SOX5: variants seen among roughly 807,000 people sequenced by gnomAD.
SOX5 encodes SRY-box transcription factor 5.
Under a neutral mutation model 92.0 loss-of-function variants are expected in SOX5, and 9 were observed. That is an observed-to-expected ratio of 0.10 (90% CI 0.06 to 0.17). The LOEUF is 0.17. Ranked by LOEUF, SOX5 falls within the 10% of genes least tolerant of loss-of-function variation. The pLI is 1.00. For synonymous variants in SOX5, 344 were observed against 336.3 expected (o/e 1.02, Z -0.25); for missense variants, 642 against 944.5 (o/e 0.68, Z 4.20).
intron 1 of SOX5, among the ~76,000 whole-genome samples, chr12:24,436,376 C>T (rs80265705): frequency 6.6e-6 from 1 of 152,316 alleles, no homozygotes; most frequent in African/African-American, 2.4e-5. Flanking sequence ...AAACAGACTT[C>T]TGACTGATAA....
At chr12:24,520,448 C>A (rs1950169117) in intron 1 of SOX5, among the ~76,000 whole-genome samples, 1 of 151,362 alleles carries the variant, frequency 6.6e-6, no homozygotes. Context: ...TTAAGCAATC[C>A]TCAAGCTAAC....
intron 4 of SOX5, among the ~76,000 whole-genome samples, chr12:24,187,749 T>A (rs1956156395): frequency 6.6e-6 from 1 of 152,080 alleles, no homozygotes; most frequent in Non-Finnish European, 1.5e-5. Context: ...GTTAATGGAG[T>A]CTAGCATTGT....
At chr12:24,523,391 T>C (rs1204429267) in intron 1 of SOX5, among the ~76,000 whole-genome samples, 1 of 152,058 alleles carries the variant, frequency 6.6e-6, no homozygotes, top group Non-Finnish European at 1.5e-5. Flanking sequence ...AAAACAATTA[T>C]AAAATTCACA....
intron 6 of SOX5, among the ~76,000 whole-genome samples, chr12:23,707,518 G>A (rs905793983): frequency 3.9e-5 from 6 of 152,204 alleles, no homozygotes; most frequent in South Asian, 4.1e-4. Context: ...AGGCCAGGGC[G>A]TACTACATTA....
chr12:24,158,279 C>A (rs560865241), intron 4 of SOX5, among the ~76,000 whole-genome samples: 1 of 152,054 alleles, frequency 6.6e-6, no homozygotes, highest in East Asian at 1.9e-4. Context: ...AACAAAAATC[C>A]TTGATCCTCC....
intron 5 of SOX5, among the ~76,000 whole-genome samples, chr12:23,737,963 T>G (rs948758643): frequency 1.2e-4 from 19 of 152,200 alleles, no homozygotes; most frequent in African/African-American, 4.3e-4. Flanking sequence ...TGCATAAGTT[T>G]TCAACATAAT....
intron 11 of SOX5, among the ~76,000 whole-genome samples, chr12:23,559,040 C>G (rs1263511454): frequency 6.6e-6 from 1 of 152,204 alleles, no homozygotes; most frequent in African/African-American, 2.4e-5. Flanking sequence ...GGAAAAGCTT[C>G]TGGTCTGTTT....
intron 1 of SOX5, among the ~76,000 whole-genome samples, chr12:23,907,257 G>A (rs916325589): frequency 2.6e-5 from 4 of 152,118 alleles, no homozygotes; most frequent in African/African-American, 4.8e-5. Context: ...GGAAGAGGAC[G>A]AAGAGGAGGA....
At chr12:23,555,854 A>C (rs1164955352) in intron 11 of SOX5, among the ~76,000 whole-genome samples, 3 of 152,206 alleles carry the variant, frequency 2.0e-5, no homozygotes, top group Non-Finnish European at 4.4e-5. Flanking sequence ...AAAGAAAAGA[A>C]ATAAAGAGAA....
chr12:24,330,614 C>T (rs1216604444), intron 2 of SOX5, among the ~76,000 whole-genome samples: 1 of 152,204 alleles, frequency 6.6e-6, no homozygotes, highest in East Asian at 1.9e-4. Flanking sequence ...CTACCAGGCC[C>T]CACTTAAACG....
intron 11 of SOX5, among the ~76,000 whole-genome samples, chr12:23,556,879 G>C (rs1022384637): frequency 6.6e-6 from 1 of 152,162 alleles, no homozygotes; most frequent in Non-Finnish European, 1.5e-5. Context: ...GTCAGTTTCC[G>C]AAGAGTTAAC....
intron 1 of SOX5, among the ~76,000 whole-genome samples, chr12:24,506,001 C>A (rs1948707353): frequency 6.6e-6 from 1 of 152,064 alleles, no homozygotes; most frequent in Non-Finnish European, 1.5e-5. Flanking sequence ...TAACTCCAGA[C>A]AATATTTGCC....
chr12:24,246,282 A>AT (rs375919899), intron 3 of SOX5, among the ~76,000 whole-genome samples: 2,247 of 145,880 alleles, frequency 0.015, 75 homozygotes, highest in African/African-American at 0.052. Context: ...ACAGACACAG[A>AT]TTTTTTTTTT....
In SOX5 at chr12:24,006,866, C is replaced by A. The variant is rs1952238094; in HGVS notation, c.-1-110842G>T. Among the ~76,000 whole-genome samples the A allele has an allele frequency of 1.3e-5, 2 of 151,832 alleles. 1 individual carries two copies. Among genetic ancestry groups the A allele is most frequent in the South Asian group, 4.2e-4 (2 of 4,816 alleles). ...TATCTTAACTGAAGTGGGTGCGGTG[C>A]CTCACGCCTATAATCCCAGCACTTT... On this transcript the variant is annotated intron_variant, in intron 4 of 4. Transcript: ENST00000446891.
intron 3 of SOX5, among the ~76,000 whole-genome samples, chr12:24,221,377 C>T (rs1960385766): frequency 6.6e-6 from 1 of 151,986 alleles, no homozygotes; most frequent in Admixed American, 6.6e-5. Flanking sequence ...ATTGGTTTAC[C>T]TCCAGCACTT....
chr12:24,355,189 C>T (rs1452992447), intron 2 of SOX5, among the ~76,000 whole-genome samples: 1 of 147,162 alleles, frequency 6.8e-6, no homozygotes, highest in African/African-American at 2.6e-5. Flanking sequence ...GGCAGCAATG[C>T]TTTGTGCAAT....
At chr12:24,229,380 A>G (rs553909968) in intron 3 of SOX5, among the ~76,000 whole-genome samples, 9 of 152,128 alleles carry the variant, frequency 5.9e-5, no homozygotes, top group Non-Finnish European at 1.3e-4. Flanking sequence ...AAAGGGGGTC[A>G]TTGCTCATAG....
At chr12:23,875,701 T>G (rs1439976798) in intron 2 of SOX5, among the ~76,000 whole-genome samples, 1 of 152,166 alleles carries the variant, frequency 6.6e-6, no homozygotes, top group Non-Finnish European at 1.5e-5. Context: ...CCATTAAGTT[T>G]GAAGCAATGC....
intron 4 of SOX5, among the ~76,000 whole-genome samples, chr12:23,983,109 T>A: frequency 6.6e-6 from 1 of 151,584 alleles, no homozygotes; most frequent in Admixed American, 6.6e-5. Context: ...GAGTCCATTT[T>A]TTTTTTTTTT....
Sources: gnomAD v4.1 joint callset for allele counts (sites outside exome capture counted in the v4.1 genomes callset) on GRCh38, gnomAD v4.1.1 for gene constraint, MANE v1.5 for transcripts, NCBI Gene and HGNC (gene_info 2026-07-23, HGNC 2026-07-21) for gene names.